KCNIP4: variants seen among roughly 807,000 people sequenced by gnomAD.
KCNIP4 encodes Kv channel-interacting protein 4.
KCNIP4 carries 12 observed loss-of-function variants against 34.0 expected under a neutral mutation model. The observed-to-expected ratio is 0.35, with a 90% confidence interval of 0.23 to 0.57. The LOEUF (loss-of-function observed/expected upper bound fraction) is 0.57. Among genes scored for constraint, KCNIP4 ranks in the 20% least tolerant of loss-of-function variants. The pLI is 0.83. For synonymous variants in KCNIP4, 124 were observed against 102.2 expected, an observed-to-expected ratio of 1.21 and a Z score of -1.29; for missense variants, 238 against 311.7, an observed-to-expected ratio of 0.76 and a Z score of 1.78.
chr4:21,940,827 TC>T (rs1730165186), intron 1 of KCNIP4, among the ~76,000 whole-genome samples: 1 of 152,190 alleles, frequency 6.6e-6, no homozygotes, highest in Non-Finnish European at 1.5e-5. Flanking sequence ...TTTATAAATG[TC>T]TGTTTGTTAG....
intron 2 of KCNIP4, among the ~76,000 whole-genome samples, chr4:20,881,605 AG>A (rs1369725080): frequency 1.3e-5 from 2 of 152,194 alleles, no homozygotes; most frequent in Non-Finnish European, 2.9e-5. Flanking sequence ...AAATAAGCTG[AG>A]GATTTCCTTT....
intron 1 of KCNIP4, among the ~76,000 whole-genome samples, chr4:21,645,817 C>T (rs1250100079): frequency 2.6e-5 from 4 of 151,856 alleles, no homozygotes; most frequent in Admixed American, 2.6e-4. Flanking sequence ...GCAATGACCA[C>T]AACTCTCAAA....
chr4:21,800,168 A>G (rs541811191), intron 1 of KCNIP4, among the ~76,000 whole-genome samples: 3 of 152,188 alleles, frequency 2.0e-5, no homozygotes, highest in African/African-American at 7.2e-5. Context: ...GTGTGTTAAA[A>G]AAATCAAATT....
chr4:20,902,274 G>C (rs1727232580), intron 1 of KCNIP4, among the ~76,000 whole-genome samples: 1 of 152,026 alleles, frequency 6.6e-6, no homozygotes, highest in Non-Finnish European at 1.5e-5. Context: ...TCTTTTCCAG[G>C]AGTCTTGGAG....
chr4:21,809,186 T>C (rs1448703410), intron 1 of KCNIP4, among the ~76,000 whole-genome samples: 4 of 152,104 alleles, frequency 2.6e-5, no homozygotes, highest in African/African-American at 9.7e-5. Context: ...CCAATGTGGG[T>C]AGGCATTAAT....
chr4:21,466,427 CT>C (rs1729947063), intron 1 of KCNIP4, among the ~76,000 whole-genome samples: 1 of 152,266 alleles, frequency 6.6e-6, no homozygotes, highest in Admixed American at 6.5e-5. Context: ...CCAAAATGAG[CT>C]GTTATAATTA....
chr4:21,876,336 T>C (rs1008899273), intron 1 of KCNIP4, among the ~76,000 whole-genome samples: 1 of 152,312 alleles, frequency 6.6e-6, no homozygotes, highest in South Asian at 2.1e-4. Context: ...TACACACCCA[T>C]AATTTAAGGA....
intron 1 of KCNIP4, among the ~76,000 whole-genome samples, chr4:21,289,932 G>A (rs527328091): frequency 2.3e-3 from 354 of 152,140 alleles, no homozygotes; most frequent in Non-Finnish European, 4.1e-3. Context: ...CCTTGCAGAG[G>A]AAATGAAGCA....
At position 21,112,969 on chromosome 4, in the gene KCNIP4, T is replaced by C. The variant is rs151274855; in HGVS notation, c.62-230260A>G. 1.6e-4 allele frequency among the ~76,000 whole-genome samples: 24 copies of C among 152,344 alleles called. No homozygotes were observed. The East Asian group carries it at 4.6e-3, about 29-fold the overall frequency. On this transcript the variant is annotated intron_variant, in intron 1 of 8. Coordinates refer to ENST00000382152, the MANE Select transcript of KCNIP4 (RefSeq NM_025221.6). ...ATCAGATTGTATTCGCTTTCTAGTTTTTCTAAGATTGTAAACCCTTAGTAG... is the reference window on the plus strand; with the variant it reads ...ATCAGATTGTATTCGCTTTCTAGTTCTTCTAAGATTGTAAACCCTTAGTAG...
At chr4:21,563,159 A>AT (rs202168547) in intron 1 of KCNIP4, among the ~76,000 whole-genome samples, 3 of 151,874 alleles carry the variant, frequency 2.0e-5, no homozygotes, top group Non-Finnish European at 2.9e-5. Context: ...TAACTACTAG[A>AT]TTTTTTTTAA....
intron 1 of KCNIP4, among the ~76,000 whole-genome samples, chr4:21,588,178 AT>A: frequency 6.6e-6 from 1 of 152,102 alleles, no homozygotes; most frequent in Non-Finnish European, 1.5e-5. Context: ...TACCAACATT[AT>A]TTTTCTTTTA....
intron 1 of KCNIP4, among the ~76,000 whole-genome samples, chr4:21,537,458 G>T (rs776370386): frequency 1.3e-5 from 2 of 151,970 alleles, no homozygotes; most frequent in African/African-American, 2.4e-5. Flanking sequence ...GAAAGTACAG[G>T]AACCTCTCCA....
At chr4:21,846,240 A>G (rs1441003877) in intron 1 of KCNIP4, 1 of 152,136 alleles carries the variant, frequency 6.6e-6, no homozygotes, top group African/African-American at 2.4e-5. Flanking sequence ...TCTAATTTGT[A>G]ACATAAATTC....
intron 1 of KCNIP4, among the ~76,000 whole-genome samples, chr4:20,940,347 C>T (rs1273011358): frequency 6.6e-6 from 1 of 152,178 alleles, no homozygotes; most frequent in Non-Finnish European, 1.5e-5. Flanking sequence ...CCTTTGAGTT[C>T]TTCGAGGAAG....
chr4:21,631,880 T>C (rs1745790788), intron 1 of KCNIP4, among the ~76,000 whole-genome samples: 1 of 152,222 alleles, frequency 6.6e-6, no homozygotes, highest in South Asian at 2.1e-4. Flanking sequence ...TGTTCCATCA[T>C]TTATACATTA....
intron 1 of KCNIP4, among the ~76,000 whole-genome samples, chr4:21,232,839 T>C (rs903113834): frequency 6.6e-6 from 1 of 152,144 alleles, no homozygotes; most frequent in African/African-American, 2.4e-5. Flanking sequence ...GATATCTGTG[T>C]ACAGAAGTAT....
intron 1 of KCNIP4, among the ~76,000 whole-genome samples, chr4:21,234,200 C>CATATATAACATATATAACAT (rs1560198501): frequency 1.3e-5 from 1 of 78,530 alleles, no homozygotes; most frequent in Non-Finnish European, 2.0e-5. Flanking sequence ...TTATATATAA[C>CATATATAACATATATAACAT]ATATATAACG....
At chr4:21,769,919 A>G (rs1027919391) in intron 1 of KCNIP4, among the ~76,000 whole-genome samples, 1 of 152,170 alleles carries the variant, frequency 6.6e-6, no homozygotes, top group African/African-American at 2.4e-5. Flanking sequence ...TGAGGTTACT[A>G]AAATGAGAAT....
At chr4:21,196,928 C>G (rs1175145425) in intron 1 of KCNIP4, among the ~76,000 whole-genome samples, 1 of 152,160 alleles carries the variant, frequency 6.6e-6, no homozygotes, top group Non-Finnish European at 1.5e-5. Context: ...GATCATCTGT[C>G]TCCCTCATCC....
Sources: gnomAD v4.1 joint callset for allele counts (sites outside exome capture counted in the v4.1 genomes callset) on GRCh38, gnomAD v4.1.1 for gene constraint, MANE v1.5 for transcripts, NCBI Gene and HGNC (gene_info 2026-07-23, HGNC 2026-07-21) for gene names.